Variants in RARS1 observed in about 807,000 individuals in gnomAD.
RARS1 encodes the protein arginyl-tRNA synthetase 1.
Under a neutral mutation model 78.7 loss-of-function variants are expected in RARS1, and 75 were observed. The observed-to-expected ratio is 0.95, with a 90% CI of 0.79 to 1.15. RARS1 has a LOEUF of 1.15. Among genes scored for constraint, RARS1 ranks in the 50% most tolerant of loss-of-function variants. The probability of loss-of-function intolerance (pLI) is 0.00; values close to 1 mark genes in which losing one functional copy is unlikely to be tolerated. For synonymous variants in RARS1, 273 were observed against 268.2 expected (o/e 1.02, Z -0.18); for missense variants, 787 against 787.5 (o/e 1.00, Z 0.01).
chr5:168,514,457 G>C (rs1758625099), intron 12 of RARS1, among the ~76,000 whole-genome samples: 1 of 151,892 alleles, frequency 6.6e-6, no homozygotes, highest in East Asian at 1.9e-4. Flanking sequence ...CTGTGTTTAA[G>C]GTATTTCTTG....
intron 9 of RARS1, among the ~76,000 whole-genome samples, chr5:168,503,526 CTT>C (rs1283218551): frequency 6.6e-6 from 1 of 151,322 alleles, no homozygotes; most frequent in East Asian, 1.9e-4. Context: ...AGTCAGTTGT[CTT>C]TATAATTTTT....
intron 3 of RARS1, 192 bp downstream of exon 3, chr5:168,493,039 G>C: frequency 3.9e-6 from 2 of 512,764 alleles, no homozygotes; most frequent in Non-Finnish European, 6.9e-6. Flanking sequence ...TTAAGGTTTG[G>C]TTAAATTTTA....
At chr5:168,517,569 A>G (rs1053254400) in intron 13 of RARS1, among the ~76,000 whole-genome samples, 1 of 152,210 alleles carries the variant, frequency 6.6e-6, no homozygotes, top group African/African-American at 2.4e-5. Flanking sequence ...ATACTCTTCT[A>G]GATGCTCTAT....
chr5:168,499,472 G>C (rs1758269537), intron 7 of RARS1, among the ~76,000 whole-genome samples: 1 of 152,156 alleles, frequency 6.6e-6, no homozygotes. Context: ...AATGTTTCAA[G>C]AATAGGATTC....
intron 12 of RARS1, among the ~76,000 whole-genome samples, chr5:168,516,364 C>T (rs1758666386): frequency 6.6e-6 from 1 of 152,030 alleles, no homozygotes; most frequent in South Asian, 2.1e-4. Context: ...TCTTAATACA[C>T]CCTTGATTTC....
intron 11 of RARS1, among the ~76,000 whole-genome samples, chr5:168,508,741 AATG>A (rs1758501262): frequency 6.6e-6 from 1 of 151,346 alleles, no homozygotes; most frequent in Non-Finnish European, 1.5e-5. Context: ...TAATTTTTTG[AATG>A]ATAATTTTTT....
chr5:168,491,992 A>G (rs1012542151), intron 2 of RARS1, among the ~76,000 whole-genome samples: 1 of 134,618 alleles, frequency 7.4e-6, no homozygotes, highest in Non-Finnish European at 1.5e-5. Context: ...TATGGCAAGT[A>G]CAGTGCTAGA....
intron 5 of RARS1, 160 bp from the exon 6 acceptor site, chr5:168,495,155 G>A (rs1356466263): frequency 2.4e-6 from 3 of 1,254,518 alleles, no homozygotes; most frequent in East Asian, 2.6e-5. Flanking sequence ...ATCAAACATG[G>A]TTGAATTACG....
At chr5:168,488,893 A>C (rs1460594184) in intron 2 of RARS1, among the ~76,000 whole-genome samples, 157 bp downstream of exon 2, 6 of 152,190 alleles carry the variant, frequency 3.9e-5, no homozygotes, top group Admixed American at 3.9e-4. Context: ...CTTAGGACTG[A>C]GGTAGTTGGT....
intron 6 of RARS1, among the ~76,000 whole-genome samples, chr5:168,495,702 C>T (rs1304277666): frequency 6.6e-6 from 1 of 152,152 alleles, no homozygotes; most frequent in African/African-American, 2.4e-5. Context: ...TTGAGGACCT[C>T]TTGTATGCAA....
In RARS1 at chr5:168,502,123, A is replaced by T. The variant is rs997039739; in HGVS notation, c.1057+18A>T. ...AGATAGAGGTAGGCACTCTTCTTTTAACTTTTTATTATGGAAATTTTCAAA... is the reference window on the plus strand; with the variant it reads ...AGATAGAGGTAGGCACTCTTCTTTTTACTTTTTATTATGGAAATTTTCAAA... On this transcript the variant is annotated intron_variant, in intron 9 of 14. Coordinates refer to ENST00000231572, the MANE Select transcript of RARS1 (RefSeq NM_002887.4). 8.3e-6 allele frequency: 13 copies of T among 1,574,858 alleles called. No individual in the cohort carries two copies. The highest frequency in any genetic ancestry group is 1.4e-5 in the African/African-American group (1 of 72,556).
intron 3 of RARS1, chr5:168,493,276 A>G: frequency 6.2e-6 from 1 of 160,286 alleles, no homozygotes; most frequent in Non-Finnish European, 1.4e-5. Context: ...TTTTAAATAG[A>G]GGCATTGTCT....
chr5:168,494,151 A>C, intron 4 of RARS1, 149 bp downstream of exon 4: 1 of 1,282,620 alleles, frequency 7.8e-7, no homozygotes, highest in Non-Finnish European at 1.0e-6. Flanking sequence ...TAGGAAATTG[A>C]AGTTTTAATC....
intron 13 of RARS1, 88 bp from the exon 14 acceptor site, chr5:168,517,727 A>G: frequency 4.4e-6 from 6 of 1,379,022 alleles, no homozygotes; most frequent in Non-Finnish European, 5.7e-6. Flanking sequence ...ACTTCTTTTT[A>G]ATCGGTGATA....
At chr5:168,518,170 A>G in intron 14 of RARS1, 108 bp downstream of exon 14, 1 of 1,283,338 alleles carries the variant, frequency 7.8e-7, no homozygotes, top group Non-Finnish European at 1.0e-6. Flanking sequence ...TGAAGCCTCA[A>G]ACTTCTGGCC....
chr5:168,516,156 C>G (rs1414220898), intron 12 of RARS1, among the ~76,000 whole-genome samples: 2 of 152,148 alleles, frequency 1.3e-5, no homozygotes, highest in Non-Finnish European at 2.9e-5. Context: ...TGTTGATGCT[C>G]TCTAGTGACT....
chr5:168,518,130 C>T (rs1758714742), intron 14 of RARS1, 68 bp downstream of exon 14: 1 of 1,320,982 alleles, frequency 7.6e-7, no homozygotes. Context: ...GTCCCTTGGG[C>T]TGGAGTACGG....
intron 12 of RARS1, among the ~76,000 whole-genome samples, chr5:168,512,977 A>G (rs1330009050): frequency 2.0e-5 from 3 of 152,066 alleles, no homozygotes; most frequent in Non-Finnish European, 4.4e-5. Context: ...ATTGTGGTTA[A>G]AATTTTCATT....
chr5:168,502,384 A>T (rs187767313), intron 9 of RARS1, among the ~76,000 whole-genome samples: 45,992 of 126,694 alleles, frequency 0.36, 8,772 homozygotes, highest in Non-Finnish European at 0.4. Context: ...ATATATATAT[A>T]TTTTTTTTTT....
Sources: gnomAD v4.1 joint callset for allele counts (sites outside exome capture counted in the v4.1 genomes callset) on GRCh38, gnomAD v4.1.1 for gene constraint, MANE v1.5 for transcripts, NCBI Gene and HGNC (gene_info 2026-07-23, HGNC 2026-07-21) for gene names.